Variants in ZDHHC7 observed in about 807,000 individuals in gnomAD.
ZDHHC7 encodes the protein zDHHC palmitoyltransferase 7.
A neutral mutation model predicts 34.1 loss-of-function variants in ZDHHC7; 12 were observed. The ratio of observed to expected loss-of-function variants is 0.35; its 90% CI spans 0.23 to 0.57. ZDHHC7 has a LOEUF of 0.57. ZDHHC7 is among the 20% of genes least tolerant of loss of function. The probability of loss-of-function intolerance (pLI) is 0.84; values close to 1 mark genes in which losing one functional copy is unlikely to be tolerated. For synonymous variants in ZDHHC7, 185 were observed against 155.4 expected (o/e 1.19, Z -1.42); for missense variants, 388 against 402.7 (o/e 0.96, Z 0.31).
intron 1 of ZDHHC7, among the ~76,000 whole-genome samples, chr16:85,004,690 C>T (rs1252088221): frequency 1.3e-5 from 2 of 152,098 alleles, no homozygotes; most frequent in South Asian, 2.1e-4. Flanking sequence ...GGGTTCACCA[C>T]GCACTCCACA....
intron 2 of ZDHHC7, among the ~76,000 whole-genome samples, chr16:84,995,531 CAGA>C (rs2072565223): frequency 6.6e-6 from 1 of 152,086 alleles, no homozygotes; most frequent in South Asian, 2.1e-4. Flanking sequence ...GAGGCTGAGG[CAGA>C]AGAATCACTT....
chr16:84,988,908 T>A (rs868647219), intron 3 of ZDHHC7: 1 of 1,547,032 alleles, frequency 6.5e-7, no homozygotes, highest in Non-Finnish European at 8.7e-7. Context: ...ATCGCTGAGC[T>A]GGACCTGGCC....
intron 3 of ZDHHC7, among the ~76,000 whole-genome samples, chr16:84,989,941 C>T (rs1487644091): frequency 6.6e-6 from 1 of 152,068 alleles, no homozygotes; most frequent in Non-Finnish European, 1.5e-5. Flanking sequence ...CTGTGGGAAG[C>T]CTGGAACTCA....
At position 84,995,746 on chromosome 16, in the gene ZDHHC7, G is replaced by A. The variant is rs576111669; in HGVS notation, c.-18+176C>T. Among the ~76,000 whole-genome samples the A allele has an allele frequency of 2.9e-3, 447 of 152,340 alleles. 3 individuals carry two copies. The highest frequency in any genetic ancestry group is 0.01 in the African/African-American group (430 of 41,578). Reference sequence around the variant, plus strand: ...TTCAATTCATGGAGTCCCCTCCACAGATACACCCTCCTTTTAGGACCGGAA... The same window carrying A: ...TTCAATTCATGGAGTCCCCTCCACAAATACACCCTCCTTTTAGGACCGGAA... On this transcript the variant is annotated intron_variant, in intron 2 of 7. Coordinates refer to ENST00000313732, the MANE Select transcript of ZDHHC7 (RefSeq NM_017740.3).
the ZDHHC7 span, among the ~76,000 whole-genome samples, chr16:85,023,677 G>A: frequency 1.3e-5 from 2 of 152,106 alleles, no homozygotes; most frequent in Non-Finnish European, 2.9e-5. Flanking sequence ...GGAGTGCAGC[G>A]GCACAATCTT....
At chr16:84,991,381 G>A (rs1382961723) in intron 2 of ZDHHC7, among the ~76,000 whole-genome samples, 1 of 151,880 alleles carries the variant, frequency 6.6e-6, no homozygotes, top group African/African-American at 2.4e-5. Context: ...CGTCTCCCAG[G>A]TTCAAGTGAT....
chr16:84,980,215 C>G (rs2072350112), intron 4 of ZDHHC7, among the ~76,000 whole-genome samples: 1 of 151,178 alleles, frequency 6.6e-6, no homozygotes, highest in African/African-American at 2.4e-5. Flanking sequence ...TCCGCCCACC[C>G]CGGCCTCCCA....
At chr16:85,014,095 T>G (rs2072824588), upstream of ZDHHC7, among the ~76,000 whole-genome samples, 1 of 152,218 alleles carries the variant, frequency 6.6e-6, no homozygotes, top group Non-Finnish European at 1.5e-5. Flanking sequence ...GCGCCCATTT[T>G]AAAGTTTTCT....
At chr16:84,999,142 T>A (rs2072622265) in intron 1 of ZDHHC7, among the ~76,000 whole-genome samples, 2 of 152,232 alleles carry the variant, frequency 1.3e-5, no homozygotes, top group Admixed American at 1.3e-4. Flanking sequence ...TTTGAACTGT[T>A]TTCCAATGAG....
intron 4 of ZDHHC7, 69 bp downstream of exon 4, chr16:84,981,801 G>C: frequency 6.2e-7 from 1 of 1,610,708 alleles, no homozygotes; most frequent in African/African-American, 1.3e-5. Context: ...GGCGCACTCT[G>C]GTTTAATACA....
intron 4 of ZDHHC7, among the ~76,000 whole-genome samples, chr16:84,980,276 T>C (rs1452848147): frequency 4.0e-5 from 6 of 150,006 alleles, no homozygotes. Context: ...TAGCGTCACC[T>C]TCTTCTTATT....
chr16:85,025,420 T>C, the ZDHHC7 span, among the ~76,000 whole-genome samples: 1 of 111,884 alleles, frequency 8.9e-6, no homozygotes. Context: ...ATTCCTTTTT[T>C]GGGGGGGGGG....
At chr16:84,985,321 A>G (rs894794282) in intron 3 of ZDHHC7, among the ~76,000 whole-genome samples, 2 of 152,336 alleles carry the variant, frequency 1.3e-5, no homozygotes, top group East Asian at 3.9e-4. Context: ...GGCTTCGCAG[A>G]GCATGCTTCC....
chr16:85,006,078 C>T (rs1362270921), intron 1 of ZDHHC7, among the ~76,000 whole-genome samples: 1 of 152,196 alleles, frequency 6.6e-6, no homozygotes, highest in East Asian at 1.9e-4. Flanking sequence ...AAAATCACAG[C>T]ACAGGCCAGA....
At chr16:84,977,863 T>C (rs1160690964) in intron 6 of ZDHHC7, 61 bp downstream of exon 6, 2 of 1,339,432 alleles carry the variant, frequency 1.5e-6, no homozygotes, top group Non-Finnish European at 2.1e-6. Context: ...CTTTAAAGCT[T>C]TCCCCTTTCA....
At position 85,009,862 on chromosome 16, in the gene ZDHHC7, C is replaced by A. The variant is rs192183819; in HGVS notation, c.-104+1424G>T. Among the ~76,000 whole-genome samples, 485 of 152,032 alleles carry A rather than the reference C, an allele frequency of 3.2e-3. 1 individual carries two copies. The highest frequency in any genetic ancestry group is 0.011 in the African/African-American group (472 of 41,470). On this transcript the variant is annotated intron_variant, in intron 1 of 7. Coordinates refer to ENST00000313732, the MANE Select transcript of ZDHHC7 (RefSeq NM_017740.3). ...TAGCTGGGACTACAGGCGCCCACCA[C>A]CATGCCCAGCTAATTTTTGGTATTT...
intron 1 of ZDHHC7, among the ~76,000 whole-genome samples, chr16:85,009,183 A>T (rs1567508625): frequency 6.6e-6 from 1 of 152,072 alleles, no homozygotes; most frequent in South Asian, 2.1e-4. Flanking sequence ...AACTTTCTAC[A>T]TGAACTTATT....
Position 84,976,381 on chromosome 16 carries a change from T to G in ZDHHC7, c.889A>C (p.Thr297Pro), listed in dbSNP as rs762638959. 1.7e-5 allele frequency: 28 copies of G among 1,614,062 alleles called. No homozygotes were observed. In the Admixed American group the frequency reaches 4.7e-4, roughly 27 times the overall value. Residue 297 changes from threonine to proline, a missense_variant, in exon 8 of 8, where the codon ACG (threonine) becomes CCG (proline). By Grantham distance (38) the Thr-to-Pro change is conservative. Transcript: ENST00000313732. ...FVGFRFRRLP[T>P]RPRKGGPEFS... ...TCCGGGCCACCTTTTCTGGGTCTCGTGGGCAGTCGCCTAAATCGGAAGCCC... is the reference window on the plus strand; with the variant it reads ...TCCGGGCCACCTTTTCTGGGTCTCGGGGGCAGTCGCCTAAATCGGAAGCCC...
chr16:85,017,632 T>A, the ZDHHC7 span, among the ~76,000 whole-genome samples: 3 of 152,158 alleles, frequency 2.0e-5, no homozygotes, highest in African/African-American at 7.2e-5. Context: ...TACACATACA[T>A]GCGACACCCA....
Sources: allele counts gnomAD v4.1 joint callset (sites outside exome capture counted in the v4.1 genomes callset), GRCh38; gene constraint gnomAD v4.1.1; transcripts MANE v1.5; gene names NCBI Gene and HGNC (gene_info 2026-07-23, HGNC 2026-07-21).